MICAL2: variants seen among roughly 807,000 people sequenced by gnomAD.
MICAL2 encodes microtubule associated monooxygenase, calponin and LIM domain containing 2.
A neutral mutation model predicts 127.3 loss-of-function variants in MICAL2; 77 were observed. The observed-to-expected ratio is 0.60, with a 90% CI of 0.50 to 0.73. The LOEUF is 0.73. Among genes scored for constraint, MICAL2 ranks in the 30% least tolerant of loss-of-function variants. MICAL2 has a pLI of 0.00. For missense variants in MICAL2, 1,351 were observed against 1,434.4 expected (o/e 0.94, Z 0.94); for synonymous variants, 570 against 551.1 (o/e 1.03, Z -0.48).
At chr11:12,319,970 G>T (rs914151609) in intron 30 of MICAL2, among the ~76,000 whole-genome samples, 1 of 151,776 alleles carries the variant, frequency 6.6e-6, no homozygotes, top group Non-Finnish European at 1.5e-5. Flanking sequence ...AACACCCAAA[G>T]AATTATCTTC....
At position 12,171,152 on chromosome 11, in the gene MICAL2, C is replaced by A. The variant is rs530752727; in HGVS notation, c.264+8733C>A. On this transcript the variant is annotated intron_variant, in intron 3 of 27. Transcript: ENST00000683283. The stretch of plus-strand genomic sequence containing the variant: ...TGGCCCTTGACTAGCATCTGGCTGC[C>A]CGTGGAGCTTTCAAAAGAGACGGGA... Among the ~76,000 whole-genome samples, 3 of 152,276 alleles carry A rather than the reference C, an allele frequency of 2.0e-5. No homozygotes were observed. The East Asian group carries it at 5.8e-4, about 29-fold the overall frequency.
intron 15 of MICAL2, among the ~76,000 whole-genome samples, chr11:12,234,195 A>G (rs142048592): frequency 6.6e-6 from 1 of 152,194 alleles, no homozygotes; most frequent in Non-Finnish European, 1.5e-5. Flanking sequence ...TCTTCAATCT[A>G]TATAGGCTCC....
chr11:12,312,536 T>G (rs11022296), intron 29 of MICAL2, among the ~76,000 whole-genome samples: 60,808 of 151,846 alleles, frequency 0.4, 14,900 homozygotes, highest in Non-Finnish European at 0.56. Context: ...AGAGAAAACT[T>G]CCCCCTCACC....
rs150390040 is a variant in MICAL2 at position 12,175,451 on chromosome 11, G to A, written c.264+13032G>A. Among the ~76,000 whole-genome samples the A allele has an allele frequency of 2.3e-3, 346 of 152,174 alleles. 3 individuals are homozygous for A. Among genetic ancestry groups the A allele is most frequent in the African/African-American group, 7.9e-3 (329 of 41,492 alleles). On this transcript the variant is annotated intron_variant, in intron 3 of 27. Transcript: ENST00000683283. ...AGATTGCGCCACTCCACTCCAGCCCGGGCAACAGAGCAAGACTCTGGGTCG... is the reference window on the plus strand; with the variant it reads ...AGATTGCGCCACTCCACTCCAGCCCAGGCAACAGAGCAAGACTCTGGGTCG...
chr11:12,286,423 G>A (rs1220036406), intron 2 of MICAL2, among the ~76,000 whole-genome samples: 1 of 152,208 alleles, frequency 6.6e-6, no homozygotes, highest in East Asian at 1.9e-4. Context: ...GAATGAATAT[G>A]TGCATGTACG....
At chr11:12,302,862 A>G (rs7102962) in intron 29 of MICAL2, among the ~76,000 whole-genome samples, 1 of 152,160 alleles carries the variant, frequency 6.6e-6, no homozygotes, top group East Asian at 1.9e-4. Context: ...CAAATTTATC[A>G]ATACTTTCTG....
At position 12,221,757 on chromosome 11, in the gene MICAL2, A is replaced by C. The variant is rs758976857; in HGVS notation, c.1320A>C (p.Glu440Asp). The C allele has an allele frequency of 3.1e-6, 5 of 1,612,740 alleles. No individual in the cohort carries two copies. In the South Asian group the frequency reaches 5.5e-5, roughly 18 times the overall value. ...QGTPPLELLAERESLYRLLPQ... is the reference protein window; with the variant it reads ...QGTPPLELLADRESLYRLLPQ... ...CCCCTCCCCTGGAGCTGCTGGCTGA[A>C]AGGTGAGCTTTGACAGTAGGGCTCC... Residue 440 changes from glutamate to aspartate, a missense_variant and splice_region_variant, in exon 10 of 28, where the codon GAA becomes GAC. Physicochemically the swap from Glu to Asp is conservative, Grantham distance 45 (BLOSUM62 2). Transcript: ENST00000683283.
intron 13 of MICAL2, 61 bp downstream of exon 13, chr11:12,224,881 T>A (rs1419957342): frequency 2.0e-6 from 3 of 1,520,406 alleles, no homozygotes; most frequent in East Asian, 4.6e-5. Context: ...TTCTGCTGCA[T>A]GCAGAATCTT....
chr11:12,205,833 C>T (rs1334774909), intron 4 of MICAL2, among the ~76,000 whole-genome samples: 1 of 152,208 alleles, frequency 6.6e-6, no homozygotes, highest in African/African-American at 2.4e-5. Context: ...AAGAAGCAGC[C>T]ATCGTCCCCA....
intron 29 of MICAL2, among the ~76,000 whole-genome samples, chr11:12,309,069 TTTTA>T (rs1864144318): frequency 6.6e-6 from 1 of 152,194 alleles, no homozygotes; most frequent in South Asian, 2.1e-4. Context: ...TAAATCATAG[TTTTA>T]TTTGTGTTTT....
At chr11:12,190,590 T>C (rs1858968306) in intron 3 of MICAL2, among the ~76,000 whole-genome samples, 1 of 152,220 alleles carries the variant, frequency 6.6e-6, no homozygotes, top group Non-Finnish European at 1.5e-5. Flanking sequence ...CAGACAAGGT[T>C]GCATATGTTA....
downstream of MICAL2, chr11:12,292,206 T>G: frequency 6.2e-7 from 1 of 1,614,086 alleles, no homozygotes; most frequent in Non-Finnish European, 8.5e-7. Context: ...TCTCTTCCTC[T>G]TCCTTCATCG....
At chr11:12,219,417 A>G (rs919701590) in intron 8 of MICAL2, among the ~76,000 whole-genome samples, 4 of 150,848 alleles carry the variant, frequency 2.7e-5, no homozygotes, top group African/African-American at 9.7e-5. Flanking sequence ...AAAGCAAGCT[A>G]CTGGGGAGGC....
intron 32 of MICAL2, among the ~76,000 whole-genome samples, chr11:12,341,516 T>C (rs1360352333): frequency 2.0e-5 from 3 of 152,148 alleles, no homozygotes; most frequent in Non-Finnish European, 4.4e-5. Flanking sequence ...TTTTTTTCTC[T>C]ACTACTATCT....
intron 29 of MICAL2, among the ~76,000 whole-genome samples, chr11:12,303,002 C>A (rs1249448411): frequency 6.6e-6 from 1 of 152,152 alleles, no homozygotes; most frequent in African/African-American, 2.4e-5. Context: ...GTGGAAAGCA[C>A]CTCTTCACAG....
At position 12,221,556 on chromosome 11, in the gene MICAL2, C is replaced by T. The variant is rs1856820813; in HGVS notation, c.1207-88C>T. 9 of 930,860 alleles carry T rather than the reference C, an allele frequency of 9.7e-6. No homozygotes were observed. The East Asian group carries it at 2.2e-4, about 23-fold the overall frequency. 57.7% of individuals were successfully genotyped at this position (930,860 alleles called of 1,614,324 possible). On this transcript the variant is annotated intron_variant, in intron 9 of 27. Transcript: ENST00000683283. ...CTGTCCCTCCAGTGCCCTGCACAGTCCTGGCAATCAGTGTGTGCTGGGTCC... is the reference window on the plus strand; with the variant it reads ...CTGTCCCTCCAGTGCCCTGCACAGTTCTGGCAATCAGTGTGTGCTGGGTCC...
intron 1 of MICAL2, among the ~76,000 whole-genome samples, chr11:12,132,806 C>CA (rs1303620558): frequency 2.6e-5 from 4 of 152,248 alleles, no homozygotes; most frequent in African/African-American, 9.6e-5. Context: ...AATTCTCTAG[C>CA]AAATGCTAGA....
intron 11 of MICAL2, 102 bp downstream of exon 11, chr11:12,222,845 T>A: frequency 6.8e-7 from 1 of 1,461,358 alleles, no homozygotes; most frequent in Non-Finnish European, 9.2e-7. Flanking sequence ...TTCCTGGGAC[T>A]AAGGCCACCA....
chr11:12,266,929 T>C (rs112283887), downstream of MICAL2, among the ~76,000 whole-genome samples: 11 of 152,342 alleles, frequency 7.2e-5, no homozygotes, highest in African/African-American at 2.6e-4. Context: ...TTTCCTGATC[T>C]TGCACAGCAT....
Sources: allele counts gnomAD v4.1 joint callset (sites outside exome capture counted in the v4.1 genomes callset), GRCh38; gene constraint gnomAD v4.1.1; transcripts MANE v1.5; gene names NCBI Gene and HGNC (gene_info 2026-07-23, HGNC 2026-07-21).